The following TBC1D19 variants were observed in gnomAD, a reference collection of about 807,000 sequenced individuals.
TBC1D19 encodes the protein TBC1 domain family member 19.
In TBC1D19, 60 loss-of-function variants were observed where a neutral mutation model predicts 89.0. The ratio of observed to expected loss-of-function variants is 0.67; its 90% CI spans 0.55 to 0.84. The LOEUF is 0.84. TBC1D19 is among the 40% of genes least tolerant of loss of function. TBC1D19 has a pLI of 0.00. For synonymous variants in TBC1D19, 189 were observed against 199.7 expected, an observed-to-expected ratio of 0.95 and a Z score of 0.45; for missense variants, 500 against 610.8, an observed-to-expected ratio of 0.82 and a Z score of 1.91.
At chr4:26,830,476 G>A in the TBC1D19 span, among the ~76,000 whole-genome samples, 5 of 152,168 alleles carry the variant, frequency 3.3e-5, no homozygotes, top group African/African-American at 4.8e-5. Context: ...TAGAAGTGGG[G>A]CGGGGCTGGG....
chr4:26,663,231 GA>G (rs1467951636), intron 8 of TBC1D19, among the ~76,000 whole-genome samples: 3 of 152,120 alleles, frequency 2.0e-5, no homozygotes, highest in Non-Finnish European at 2.9e-5. Context: ...AAACAGTGTG[GA>G]AAAAAGTATA....
the TBC1D19 span, among the ~76,000 whole-genome samples, chr4:26,772,662 G>C: frequency 6.6e-6 from 1 of 151,996 alleles, no homozygotes; most frequent in Non-Finnish European, 1.5e-5. Flanking sequence ...GTTGCTCCCT[G>C]CTGTGTGTCC....
chr4:26,831,752 G>C, the TBC1D19 span, among the ~76,000 whole-genome samples: 2 of 151,702 alleles, frequency 1.3e-5, no homozygotes, highest in East Asian at 1.9e-4. Context: ...CACCACGCCT[G>C]GCTAATTTTT....
intron 4 of TBC1D19, among the ~76,000 whole-genome samples, chr4:26,631,585 A>G (rs1560430538): frequency 6.6e-6 from 1 of 151,970 alleles, no homozygotes; most frequent in Non-Finnish European, 1.5e-5. Flanking sequence ...TCTTTCCTCA[A>G]TGTTTAGTCA....
At chr4:26,629,129 C>G (rs1333992025) in intron 4 of TBC1D19, among the ~76,000 whole-genome samples, 1 of 152,030 alleles carries the variant, frequency 6.6e-6, no homozygotes, top group Non-Finnish European at 1.5e-5. Context: ...AATAGGAGAA[C>G]TTTTGCTTAT....
intron 9 of TBC1D19, among the ~76,000 whole-genome samples, chr4:26,666,924 C>A (rs1284030257): frequency 6.6e-6 from 1 of 151,670 alleles, no homozygotes; most frequent in Non-Finnish European, 1.5e-5. Context: ...AGTATGGGAG[C>A]CCCGTATTGT....
At position 26,627,513 on chromosome 4, in the gene TBC1D19, A is replaced by C. The variant is rs1437442788; in HGVS notation, c.294+6825A>C. ...TAGTTTACAGTCCCACCAACAGTGT[A>C]AAAGTGTTCCTATTTCTCCACATCC... On this transcript the variant is annotated intron_variant, in intron 4 of 20. Transcript: ENST00000264866. Among the ~76,000 whole-genome samples the C allele has an allele frequency of 2.0e-5, 3 of 152,270 alleles. No homozygotes were observed. The East Asian group carries it at 5.8e-4, about 29-fold the overall frequency.
At chr4:26,703,361 T>C (rs1432263998) in intron 13 of TBC1D19, among the ~76,000 whole-genome samples, 2 of 152,162 alleles carry the variant, frequency 1.3e-5, no homozygotes, top group African/African-American at 4.8e-5. Flanking sequence ...TGAGTTCTGT[T>C]TTTTCCTTTC....
intron 8 of TBC1D19, among the ~76,000 whole-genome samples, chr4:26,664,245 G>A (rs1711588443): frequency 6.6e-6 from 1 of 152,142 alleles, no homozygotes; most frequent in South Asian, 2.1e-4. Context: ...GAATGTCAAG[G>A]GAGGCTTCTC....
chr4:26,690,116 A>G (rs1233861421), intron 13 of TBC1D19, among the ~76,000 whole-genome samples: 2 of 152,208 alleles, frequency 1.3e-5, no homozygotes, highest in Non-Finnish European at 1.5e-5. Flanking sequence ...TGAATAGAAG[A>G]TCAAACTAGC....
At chr4:26,698,275 G>C (rs1714991705) in intron 13 of TBC1D19, among the ~76,000 whole-genome samples, 1 of 152,080 alleles carries the variant, frequency 6.6e-6, no homozygotes, top group Admixed American at 6.5e-5. Flanking sequence ...GCTTCAAAGA[G>C]AATAAAATAC....
chr4:26,655,981 A>C (rs186306293), intron 7 of TBC1D19, among the ~76,000 whole-genome samples: 2 of 152,120 alleles, frequency 1.3e-5, no homozygotes, highest in Admixed American at 6.5e-5. Flanking sequence ...GGAGCTGTAG[A>C]CTGGAGCTGT....
the TBC1D19 span, among the ~76,000 whole-genome samples, chr4:26,763,397 A>T: frequency 2.0e-5 from 3 of 152,354 alleles, no homozygotes; most frequent in East Asian, 3.9e-4. Flanking sequence ...TAAAAGCTTC[A>T]TCTGCATGAT....
chr4:26,855,766 C>A, the TBC1D19 span, among the ~76,000 whole-genome samples: 4 of 152,178 alleles, frequency 2.6e-5, no homozygotes, highest in Non-Finnish European at 5.9e-5. Flanking sequence ...TAGGTAATTC[C>A]TTTTTAGATA....
the TBC1D19 span, among the ~76,000 whole-genome samples, chr4:26,830,056 G>A: frequency 2.0e-5 from 3 of 152,238 alleles, no homozygotes; most frequent in South Asian, 2.1e-4. Context: ...CCATTCCATC[G>A]GGTTATGGTT....
chr4:26,720,209 T>G (rs1169435343), intron 15 of TBC1D19, 84 bp downstream of exon 15: 4 of 972,028 alleles, frequency 4.1e-6, no homozygotes, highest in Non-Finnish European at 6.1e-6. Context: ...CTTATTCTCT[T>G]TAATGGATAA....
At chr4:26,653,093 A>T (rs537935377) in intron 7 of TBC1D19, among the ~76,000 whole-genome samples, 1 of 152,164 alleles carries the variant, frequency 6.6e-6, no homozygotes, top group Non-Finnish European at 1.5e-5. Flanking sequence ...GTTTCAAAGA[A>T]CATCTTTATT....
chr4:26,694,227 CA>C (rs1206132427), intron 13 of TBC1D19, among the ~76,000 whole-genome samples: 2 of 152,158 alleles, frequency 1.3e-5, no homozygotes, highest in African/African-American at 4.8e-5. Context: ...AAGGTCTTAG[CA>C]AACGGCACAC....
intron 18 of TBC1D19, among the ~76,000 whole-genome samples, chr4:26,747,255 T>C (rs768186986): frequency 3.9e-5 from 6 of 152,176 alleles, no homozygotes; most frequent in Admixed American, 1.3e-4. Flanking sequence ...TATGACACTA[T>C]GAGAATTTGA....
Sources: allele counts gnomAD v4.1 joint callset (sites outside exome capture counted in the v4.1 genomes callset), GRCh38; gene constraint gnomAD v4.1.1; transcripts MANE v1.5; gene names NCBI Gene and HGNC (gene_info 2026-07-23, HGNC 2026-07-21).